SCAMP1: variants seen among roughly 807,000 people sequenced by gnomAD.
SCAMP1 encodes secretory carrier membrane protein 1, also known as secretory carrier-associated membrane protein 1.
In SCAMP1, 15 loss-of-function variants were observed where a neutral mutation model predicts 41.8. The observed-to-expected ratio is 0.36, with a 90% CI of 0.24 to 0.55. SCAMP1 has a LOEUF of 0.55. SCAMP1 is among the 20% of genes least tolerant of loss of function. The pLI is 0.86. For synonymous variants in SCAMP1, 135 were observed against 136.8 expected, an observed-to-expected ratio of 0.99 and a Z score of 0.09; for missense variants, 341 against 412.6, an observed-to-expected ratio of 0.83 and a Z score of 1.50.
intron 7 of SCAMP1, among the ~76,000 whole-genome samples, chr5:78,455,259 C>G (rs1045702214): frequency 1.7e-4 from 25 of 149,144 alleles, no homozygotes; most frequent in Admixed American, 4.0e-4. Flanking sequence ...TTTTCTAGTT[C>G]TTTTAATTGT....
intron 7 of SCAMP1, 125 bp from the exon 8 acceptor site, chr5:78,459,120 A>G: frequency 3.0e-6 from 2 of 656,510 alleles, no homozygotes; most frequent in Non-Finnish European, 5.5e-6. Context: ...AATTAAATGC[A>G]CTAATACACA....
In SCAMP1 at chr5:78,469,890, TAAAAAAAAAAAAAAAAAAAAAACAA is replaced by T. The variant is rs1157479282; in HGVS notation, c.853-5596_853-5572del. ...TACCCTCCAACCCCTTACAAGACAT[TAAAAAAAAAAAAAAAAAAAAAACAA>T]AAAAAAAAAAAAAAAAACAACAACA... On this transcript the variant is annotated intron_variant, in intron 8 of 8. Transcript: ENST00000621999. Among the ~76,000 whole-genome samples, 3 of 15,024 alleles carry T rather than the reference TAAAAAAAAAAAAAAAAAAAAAACAA, an allele frequency of 2.0e-4. 1 individual carries two copies. Among genetic ancestry groups the T allele is most frequent in the Admixed American group, 1.1e-3 (1 of 914 alleles). The allele number at this position is 15,024 out of a possible 152,430, so 9.9% of individuals were successfully genotyped here.
intron 6 of SCAMP1, among the ~76,000 whole-genome samples, chr5:78,439,181 G>T (rs372912098): frequency 6.6e-6 from 1 of 152,200 alleles, no homozygotes; most frequent in South Asian, 2.1e-4. Flanking sequence ...TTGCCAGTCT[G>T]TGTCTTTCAA....
chr5:78,431,921 A>G (rs1580690462), intron 6 of SCAMP1, among the ~76,000 whole-genome samples: 1 of 152,262 alleles, frequency 6.6e-6, no homozygotes. Context: ...TACACTATGG[A>G]AAAAGGGGTA....
intron 2 of SCAMP1, among the ~76,000 whole-genome samples, chr5:78,412,813 C>T (rs1449901134): frequency 6.6e-6 from 1 of 152,124 alleles, no homozygotes; most frequent in African/African-American, 2.4e-5. Context: ...ATATGCATTA[C>T]AACTATCTTT....
At chr5:78,402,597 G>T (rs1487328167) in intron 2 of SCAMP1, among the ~76,000 whole-genome samples, 2 of 151,950 alleles carry the variant, frequency 1.3e-5, no homozygotes, top group Non-Finnish European at 2.9e-5. Context: ...AACTTTCTTT[G>T]CTTTGAGTCT....
intron 1 of SCAMP1, among the ~76,000 whole-genome samples, chr5:78,384,555 A>C (rs952945111): frequency 5.9e-5 from 9 of 152,034 alleles, no homozygotes; most frequent in Non-Finnish European, 1.2e-4. Flanking sequence ...CAATGCTTTC[A>C]AGTTTTCCCC....
intron 2 of SCAMP1, among the ~76,000 whole-genome samples, chr5:78,405,136 T>A (rs1227961285): frequency 6.6e-6 from 1 of 152,264 alleles, no homozygotes; most frequent in Non-Finnish European, 1.5e-5. Context: ...AATGAATTAC[T>A]GATTTTTTAG....
At chr5:78,445,861 C>T (rs939036422) in intron 6 of SCAMP1, among the ~76,000 whole-genome samples, 1 of 152,166 alleles carries the variant, frequency 6.6e-6, no homozygotes. Flanking sequence ...GATTTGTGCT[C>T]TCTTGGAGAT....
At chr5:78,451,716 G>A in intron 7 of SCAMP1, among the ~76,000 whole-genome samples, 1 of 152,186 alleles carries the variant, frequency 6.6e-6, no homozygotes, top group Non-Finnish European at 1.5e-5. Context: ...GGAGTGCCGT[G>A]GCATGATCTC....
intron 6 of SCAMP1, among the ~76,000 whole-genome samples, chr5:78,441,404 TA>T (rs1303319189): frequency 6.6e-6 from 1 of 152,188 alleles, no homozygotes; most frequent in Admixed American, 6.5e-5. Context: ...TTGAAGAGTT[TA>T]GGGGGGAAAA....
intron 1 of SCAMP1, among the ~76,000 whole-genome samples, chr5:78,378,582 T>C (rs1751122608): frequency 6.6e-6 from 1 of 152,262 alleles, no homozygotes; most frequent in Admixed American, 6.5e-5. Context: ...GAAAAACATT[T>C]GTTTTCATAT....
rs571710351 is a variant in SCAMP1, at chr5:78,479,703, A to G, written c.*4035A>G. Among the ~76,000 whole-genome samples, 1 of 152,208 alleles carries G rather than the reference A, an allele frequency of 6.6e-6. No homozygotes were observed. Among genetic ancestry groups the G allele is most frequent in the African/African-American group, 2.4e-5 (1 of 41,458 alleles). On this transcript the variant is annotated 3_prime_UTR_variant, in exon 9 of 9. Transcript: ENST00000621999. The stretch of plus-strand genomic sequence containing the variant: ...TTTTCTCACCCCCGCTGTGGGTTTT[A>G]TATTTACAATTTAACTTTGGGGTTT...
intron 8 of SCAMP1, among the ~76,000 whole-genome samples, chr5:78,461,890 C>T (rs929979897): frequency 5.3e-5 from 8 of 152,156 alleles, no homozygotes; most frequent in African/African-American, 1.9e-4. Context: ...TATGATGCCT[C>T]TGGCTTTGTT....
chr5:78,361,251 G>A (rs530731211), intron 1 of SCAMP1, among the ~76,000 whole-genome samples: 7 of 151,928 alleles, frequency 4.6e-5, no homozygotes, highest in Admixed American at 1.3e-4. Context: ...AAAAGGTTAT[G>A]TTTTTATTTT....
chr5:78,459,949 T>C (rs538801847), intron 8 of SCAMP1, among the ~76,000 whole-genome samples: 174 of 152,208 alleles, frequency 1.1e-3, no homozygotes, highest in South Asian at 4.8e-3. Flanking sequence ...TCTGTTTCCA[T>C]CTTTATGTCT....
At chr5:78,420,486 T>G (rs551149365) in intron 5 of SCAMP1, among the ~76,000 whole-genome samples, 1 of 152,034 alleles carries the variant, frequency 6.6e-6, no homozygotes, top group South Asian at 2.1e-4. Flanking sequence ...CCAAGGGTTT[T>G]GAGTAAATTT....
chr5:78,442,632 A>T (rs563095589), intron 6 of SCAMP1, among the ~76,000 whole-genome samples: 1 of 152,298 alleles, frequency 6.6e-6, no homozygotes, highest in African/African-American at 2.4e-5. Context: ...GACCTAATCA[A>T]TGTTGATTTC....
chr5:78,375,368 G>A (rs1751040817), intron 1 of SCAMP1, among the ~76,000 whole-genome samples: 1 of 151,946 alleles, frequency 6.6e-6, no homozygotes, highest in Non-Finnish European at 1.5e-5. Flanking sequence ...ATATGACTTT[G>A]GGCAAATTAC....
Sources: allele counts gnomAD v4.1 joint callset (sites outside exome capture counted in the v4.1 genomes callset), GRCh38; gene constraint gnomAD v4.1.1; transcripts MANE v1.5; gene names NCBI Gene and HGNC (gene_info 2026-07-23, HGNC 2026-07-21).